Variants in SLC9A9 observed in about 807,000 individuals in gnomAD.
SLC9A9 encodes the protein sodium/hydrogen exchanger 9.
SLC9A9 carries 62 observed loss-of-function variants against 77.8 expected under a neutral mutation model. The observed-to-expected ratio is 0.80, with a 90% CI of 0.65 to 0.98. SLC9A9 has a LOEUF of 0.98. SLC9A9 is among the 50% of genes least tolerant of loss of function. The pLI, the probability that SLC9A9 is intolerant of heterozygous loss-of-function variation, is 0.00. For synonymous variants in SLC9A9, 320 were observed against 283.5 expected (o/e 1.13, Z -1.29); for missense variants, 775 against 774.9 (o/e 1.00, Z 0.00).
chr3:143,332,049 A>T (rs551821162), intron 14 of SLC9A9, among the ~76,000 whole-genome samples: 2 of 152,298 alleles, frequency 1.3e-5, no homozygotes, highest in African/African-American at 4.8e-5. Context: ...TGGGAGGAAA[A>T]ATAAGAAAAT....
chr3:143,437,242 G>A (rs557232035), intron 12 of SLC9A9, among the ~76,000 whole-genome samples: 2 of 152,352 alleles, frequency 1.3e-5, no homozygotes, highest in Non-Finnish European at 2.9e-5. Flanking sequence ...GAAGTGACAC[G>A]ATTGGCCCAA....
chr3:143,709,932 A>T (rs9877770), intron 4 of SLC9A9, among the ~76,000 whole-genome samples: 2,162 of 152,298 alleles, frequency 0.014, 31 homozygotes, highest in Non-Finnish European at 0.021. Context: ...GTAGAGAAAG[A>T]GACAGATGAT....
intron 14 of SLC9A9, among the ~76,000 whole-genome samples, chr3:143,354,250 C>G (rs747634482): frequency 5.3e-5 from 8 of 152,214 alleles, no homozygotes; most frequent in Non-Finnish European, 7.3e-5. Context: ...TCCATGGACA[C>G]TTTCTCACAT....
At chr3:143,428,558 T>A (rs912513320) in intron 12 of SLC9A9, among the ~76,000 whole-genome samples, 3 of 152,182 alleles carry the variant, frequency 2.0e-5, no homozygotes, top group Non-Finnish European at 4.4e-5. Flanking sequence ...GCAGAAGTAC[T>A]ATATGATCCA....
chr3:143,476,086 CT>C (rs1231897268), intron 11 of SLC9A9, among the ~76,000 whole-genome samples: 3 of 150,776 alleles, frequency 2.0e-5, no homozygotes, highest in African/African-American at 4.8e-5. Flanking sequence ...GTTTTTACCC[CT>C]AATGGAATCC....
At chr3:143,781,150 C>T (rs377466715) in intron 4 of SLC9A9, among the ~76,000 whole-genome samples, 108 of 152,272 alleles carry the variant, frequency 7.1e-4, no homozygotes, top group African/African-American at 2.5e-3. Context: ...CCATAGTTTA[C>T]ATTAGGGTTC....
intron 14 of SLC9A9, among the ~76,000 whole-genome samples, chr3:143,342,032 T>A (rs1176033003): frequency 2.0e-5 from 3 of 152,144 alleles, no homozygotes; most frequent in Non-Finnish European, 4.4e-5. Context: ...GAATACCGCA[T>A]CACAGTCAGG....
At chr3:143,272,025 G>A (rs1937912908) in intron 14 of SLC9A9, among the ~76,000 whole-genome samples, 1 of 152,106 alleles carries the variant, frequency 6.6e-6, no homozygotes, top group South Asian at 2.1e-4. Context: ...AAGAATGAAG[G>A]GGCAGATTAC....
chr3:143,345,631 T>A (rs1023227548), intron 14 of SLC9A9, among the ~76,000 whole-genome samples: 3 of 152,086 alleles, frequency 2.0e-5, no homozygotes, highest in African/African-American at 4.8e-5. Flanking sequence ...GCAGGATAGT[T>A]GGGTAGTATG....
At chr3:143,468,259 G>A (rs2035319034) in intron 11 of SLC9A9, among the ~76,000 whole-genome samples, 1 of 152,224 alleles carries the variant, frequency 6.6e-6, no homozygotes, top group Admixed American at 6.5e-5. Context: ...GTTTTCCAGA[G>A]TGGCTGTAAC....
chr3:143,520,093 G>C (rs1239153943), intron 9 of SLC9A9, among the ~76,000 whole-genome samples: 1 of 152,194 alleles, frequency 6.6e-6, no homozygotes, highest in Non-Finnish European at 1.5e-5. Context: ...GTCTAAATCA[G>C]ATCATCTAGG....
intron 12 of SLC9A9, among the ~76,000 whole-genome samples, chr3:143,424,359 C>T (rs1004810348): frequency 7.9e-5 from 12 of 151,978 alleles, no homozygotes; most frequent in African/African-American, 2.7e-4. Context: ...TTCCGCCTCC[C>T]GGGTTCACGC....
chr3:143,539,041 AT>A (rs60479035), intron 9 of SLC9A9, among the ~76,000 whole-genome samples: 28 of 150,754 alleles, frequency 1.9e-4, no homozygotes, highest in East Asian at 1.2e-3. Flanking sequence ...TAAAGCAGAG[AT>A]TTTTTTTTTA....
Position 143,266,560 on chromosome 3 carries a change from C to T in SLC9A9, c.*142G>A. The T allele has an allele frequency of 1.3e-6, 1 of 799,558 alleles. No homozygotes were observed. The highest frequency in any genetic ancestry group is 2.1e-6 in the Non-Finnish European group (1 of 474,798). 49.5% of individuals were successfully genotyped at this position (799,558 alleles called of 1,614,324 possible). ...TCATTTCTTCAGGCACCAGAGGATC[C>T]ATGTGACAAGGCTTTGATTCTCTCC... On this transcript the variant is annotated 3_prime_UTR_variant, in exon 16 of 16. Transcript: ENST00000316549.
At chr3:143,502,963 T>C (rs148716303) in intron 9 of SLC9A9, among the ~76,000 whole-genome samples, 2 of 152,374 alleles carry the variant, frequency 1.3e-5, no homozygotes, top group East Asian at 1.9e-4. Context: ...AGCTGGCATA[T>C]AGGTGAATAA....
rs920478833 is a variant in SLC9A9, at chr3:143,333,292, A to G, written c.1604+30192T>C. Among the ~76,000 whole-genome samples the G allele has an allele frequency of 1.1e-4, 16 of 141,570 alleles. 1 individual carries two copies. The highest frequency in any genetic ancestry group is 9.0e-4 in the Admixed American group (12 of 13,274). The allele number at this position is 141,570 out of a possible 152,430, so 92.9% of individuals were successfully genotyped here. A position where few individuals can be genotyped will look rare whatever the true frequency, so the allele number is the denominator to read the frequency against. ...GCTCACTTTAAATATCCTTTTAAAA[A>G]CATCCATACAAATTGGATTTCTTTC... is the stretch of plus-strand genomic sequence containing the variant. On this transcript the variant is annotated intron_variant, in intron 14 of 15. Coordinates refer to ENST00000316549, the MANE Select transcript of SLC9A9 (RefSeq NM_173653.4).
At chr3:143,835,307 T>G (rs1332157441) in intron 1 of SLC9A9, among the ~76,000 whole-genome samples, 1 of 152,164 alleles carries the variant, frequency 6.6e-6, no homozygotes, top group Non-Finnish European at 1.5e-5. Flanking sequence ...GCCCTCCTTT[T>G]CCCCAAACCC....
intron 4 of SLC9A9, among the ~76,000 whole-genome samples, chr3:143,736,505 G>A (rs984708275): frequency 1.3e-5 from 2 of 152,160 alleles, no homozygotes; most frequent in Non-Finnish European, 2.9e-5. Context: ...GAAAGCAGAT[G>A]TTTAGTAAAC....
At chr3:143,848,046 C>T in intron 1 of SLC9A9, 102 bp downstream of exon 1, 1 of 1,136,452 alleles carries the variant, frequency 8.8e-7, no homozygotes, top group South Asian at 1.3e-5. Context: ...ACATTTCAAT[C>T]AGCACATTTT....
Sources: allele counts gnomAD v4.1 joint callset (sites outside exome capture counted in the v4.1 genomes callset), GRCh38; gene constraint gnomAD v4.1.1; transcripts MANE v1.5; gene names NCBI Gene and HGNC (gene_info 2026-07-23, HGNC 2026-07-21).